Variants in EVC observed in about 807,000 individuals in gnomAD.
The protein encoded by EVC is EvC ciliary complex subunit 1.
In EVC, 116 loss-of-function variants were observed where a neutral mutation model predicts 118.9. The ratio of observed to expected loss-of-function variants is 0.98; its 90% CI spans 0.84 to 1.14. The LOEUF is 1.14. EVC is among the 50% of genes most tolerant of loss of function. The pLI, the probability that EVC is intolerant of heterozygous loss-of-function variation, is 0.00. For synonymous variants in EVC, 619 were observed against 534.7 expected (o/e 1.16, Z -2.18); for missense variants, 1,401 against 1,246.4 (o/e 1.12, Z -1.87).
chr4:5,731,374 A>G lies in EVC; in HGVS notation c.385-51A>G. ...CTGGTAGAATTATGAATACTAGATC[A>G]AATCCCAGAGGCATCACATGGACTG... is the stretch of plus-strand genomic sequence containing the variant. On this transcript the variant is annotated intron_variant, in intron 3 of 20. Transcript: ENST00000264956. The surrounding 1 kb of genome is among the most constrained non-coding windows in gnomAD (Gnocchi z 5.6). 1 of 1,414,978 alleles carries G rather than the reference A, an allele frequency of 7.1e-7. No homozygotes were observed. Among genetic ancestry groups the G allele is most frequent in the East Asian group, 2.3e-5 (1 of 43,870 alleles). The allele number at this position is 1,414,978 out of a possible 1,614,324, so 87.7% of individuals were successfully genotyped here.
chr4:5,825,773 C>T, the EVC span: 4 of 980,004 alleles, frequency 4.1e-6, no homozygotes, highest in South Asian at 3.1e-5. This position sits in a 1 kb window ranked among gnomAD's most constrained non-coding sequence, Gnocchi z 4.4. Context: ...TTCAAATGTG[C>T]ATGCACACAC....
intron 15 of EVC, among the ~76,000 whole-genome samples, chr4:5,801,032 C>T (rs1160735195): frequency 6.6e-6 from 1 of 152,220 alleles, no homozygotes; most frequent in Admixed American, 6.5e-5. Context: ...TTTGTCAGTG[C>T]ACAACCAGCA....
In EVC at chr4:5,753,808, C is replaced by G; in HGVS notation, c.1339C>G (p.Leu447Val). The change falls in exon 10 of 21, where the codon CTG becomes GTG. Residue 447 changes from leucine to valine, a missense_variant. Leu to Val is a conservative substitution (Grantham distance 32). Coordinates refer to ENST00000264956, the MANE Select transcript of EVC (RefSeq NM_153717.3). ...AGAGTTTGTCCAGCGAGGCAAAGAC[C>G]TGGTCACGGCGTCTCTGGCTCACCA... ...SREFVQRGKD[L>V]VTASLAHQVE... The G allele has an allele frequency of 6.2e-7, 1 of 1,614,156 alleles. No homozygotes were observed. The highest frequency in any genetic ancestry group is 8.5e-7 in the Non-Finnish European group (1 of 1,180,022).
In EVC at chr4:5,771,738, C is replaced by T. The variant is rs529610102; in HGVS notation, c.1564-11814C>T. Among the ~76,000 whole-genome samples the T allele has an allele frequency of 7.9e-5, 12 of 152,232 alleles. No homozygotes were observed. The South Asian group carries it at 1.0e-3, about 13-fold the overall frequency. The stretch of plus-strand genomic sequence containing the variant: ...TCGCCGGGAAGCAGGTGTCCATGGG[C>T]GCTGCAGAGTGCAAGGCAGTTTCCA... On this transcript the variant is annotated intron_variant, in intron 11 of 20. Transcript: ENST00000264956.
At position 5,789,514 on chromosome 4, in the gene EVC, C is replaced by T. The variant is rs1712357706; in HGVS notation, c.1777-4094C>T. On this transcript the variant is annotated intron_variant, in intron 12 of 20. Transcript: ENST00000264956. The surrounding 1 kb of genome is among the most constrained non-coding windows in gnomAD (Gnocchi z 4.3). Reference sequence around the variant, plus strand: ...TTGTAGAGTCCACCCCACCTAAAAACCCTCCCTGTTTCTAGGAGGACACTA... The same window carrying T: ...TTGTAGAGTCCACCCCACCTAAAAATCCTCCCTGTTTCTAGGAGGACACTA... Among the ~76,000 whole-genome samples, 1 of 152,200 alleles carries T rather than the reference C, an allele frequency of 6.6e-6. No homozygotes were observed. Among genetic ancestry groups the T allele is most frequent in the African/African-American group, 2.4e-5 (1 of 41,462 alleles).
chr4:5,825,746 G>A, the EVC span: 1 of 1,388,540 alleles, frequency 7.2e-7, no homozygotes. The surrounding 1 kb of genome is among the most constrained non-coding windows in gnomAD (Gnocchi z 4.4). Flanking sequence ...GCGGGCGAGA[G>A]AGAAACCTGA....
Position 5,783,635 on chromosome 4 carries a change from C to T in EVC, c.1647C>T (p.Leu549=), listed in dbSNP as rs756674302. Residue 549 remains leucine, a synonymous_variant, in exon 12 of 21, where the codon CTC becomes CTT. Transcript: ENST00000264956. ...AGACGCTCCCTGGCATGACTGGCCTCCCCCCGGAAGAGTGTGACTACTTGA... is the reference window on the plus strand; with the variant it reads ...AGACGCTCCCTGGCATGACTGGCCTTCCCCCGGAAGAGTGTGACTACTTGA... ...FLQTLPGMTG[L]PPEECDYLRQ... 41 of 1,614,118 alleles carry T rather than the reference C, an allele frequency of 2.5e-5. No homozygotes were observed. Among genetic ancestry groups the T allele is most frequent in the Non-Finnish European group, 3.5e-5 (41 of 1,179,998 alleles).
chr4:5,753,459 G>C (rs1037157376), intron 9 of EVC, among the ~76,000 whole-genome samples: 1 of 152,186 alleles, frequency 6.6e-6, no homozygotes, highest in Non-Finnish European at 1.5e-5. Context: ...CCTGCTCAGC[G>C]GCAGAGTGGG....
intron 7 of EVC, among the ~76,000 whole-genome samples, chr4:5,747,090 G>A (rs1168745675): frequency 6.6e-6 from 1 of 152,106 alleles, no homozygotes. Flanking sequence ...GAGAGGAGGA[G>A]CAGCATGTAT....
the EVC span, chr4:5,824,775 C>T: frequency 1.0e-6 from 1 of 983,358 alleles, no homozygotes. Context: ...CGGTGTGCAA[C>T]CCATGCAACG....
At chr4:5,770,536 G>A (rs1733781506) in intron 11 of EVC, among the ~76,000 whole-genome samples, 1 of 152,130 alleles carries the variant, frequency 6.6e-6, no homozygotes, top group Non-Finnish European at 1.5e-5. Context: ...CCCAAGCCTC[G>A]TAACATTCTA....
downstream of EVC, among the ~76,000 whole-genome samples, chr4:5,814,588 A>G (rs137907708): frequency 2.8e-4 from 42 of 152,226 alleles, no homozygotes; most frequent in Admixed American, 8.5e-4. Context: ...GATCTTTACC[A>G]TGGACCATGA....
chr4:5,750,589 T>C lies in EVC; in HGVS notation c.1099-2247T>C, dbSNP rs564242974. On this transcript the variant is annotated intron_variant, in intron 8 of 20. Transcript: ENST00000264956. ...TCTTGGGCAGATAATTTAACCTCTC[T>C]GTGATTTGGTTTCATTTTCTGTGAA... Among the ~76,000 whole-genome samples the C allele has an allele frequency of 3.8e-3, 572 of 152,304 alleles. 4 individuals are homozygous for C. The highest frequency in any genetic ancestry group is 5.4e-3 in the Non-Finnish European group (369 of 68,016).
chr4:5,806,470 C>T (rs1209124983), intron 17 of EVC, among the ~76,000 whole-genome samples: 1 of 152,118 alleles, frequency 6.6e-6, no homozygotes, highest in African/African-American at 2.4e-5. Context: ...TGAGTTGTTT[C>T]ACTTAAGAAA....
intron 2 of EVC, among the ~76,000 whole-genome samples, chr4:5,722,470 G>T (rs1725117047): frequency 6.6e-6 from 1 of 152,104 alleles, no homozygotes; most frequent in Admixed American, 6.5e-5. Flanking sequence ...GGGCTGCTTT[G>T]GCCCAGTGGA....
At chr4:5,771,248 A>G (rs1733907167) in intron 11 of EVC, among the ~76,000 whole-genome samples, 1 of 152,090 alleles carries the variant, frequency 6.6e-6, no homozygotes, top group South Asian at 2.1e-4. Context: ...CCAGGGGAGA[A>G]ACAGTTTTCT....
chr4:5,821,805 G>C, the EVC span: 1 of 1,611,562 alleles, frequency 6.2e-7, no homozygotes, highest in African/African-American at 1.3e-5. The surrounding 1 kb of genome is among the most constrained non-coding windows in gnomAD (Gnocchi z 4.4). Flanking sequence ...GGGGCGCCAC[G>C]ATGCGGTGGC....
At position 5,754,299 on chromosome 4, in the gene EVC, C is replaced by T. The variant is rs1232964316; in HGVS notation, c.1464+366C>T. Among the ~76,000 whole-genome samples the T allele has an allele frequency of 1.3e-5, 2 of 152,120 alleles. No individual in the cohort carries two copies. The highest frequency in any genetic ancestry group is 2.4e-5 in the African/African-American group (1 of 41,420). On this transcript the variant is annotated intron_variant, in intron 10 of 20. Coordinates refer to ENST00000264956, the MANE Select transcript of EVC (RefSeq NM_153717.3). The surrounding 1 kb of genome is among the most constrained non-coding windows in gnomAD (Gnocchi z 5.8). ...CATGTCCCGGAGAGTAAGGCAGGCT[C>T]ACACACCCAGGGACAGGGCCCTTGT...
chr4:5,789,841 C>T lies in EVC; in HGVS notation c.1777-3767C>T, dbSNP rs1712424033. On this transcript the variant is annotated intron_variant, in intron 12 of 20. Coordinates refer to ENST00000264956, the MANE Select transcript of EVC (RefSeq NM_153717.3). The surrounding 1 kb of genome is among the most constrained non-coding windows in gnomAD (Gnocchi z 4.3). The stretch of plus-strand genomic sequence containing the variant: ...TAAGCTGCATTCTCAAAACACGCAG[C>T]AAAGACCCCTATATACTTTAGTGGC... Among the ~76,000 whole-genome samples the T allele has an allele frequency of 6.6e-6, 1 of 152,186 alleles. No homozygotes were observed. Among genetic ancestry groups the T allele is most frequent in the African/African-American group, 2.4e-5 (1 of 41,436 alleles).
Sources: allele counts gnomAD v4.1 joint callset (sites outside exome capture counted in the v4.1 genomes callset), GRCh38; gene constraint gnomAD v4.1.1; non-coding constraint Gnocchi (gnomAD v3.1); transcripts MANE v1.5; gene names NCBI Gene and HGNC (gene_info 2026-07-23, HGNC 2026-07-21).